GPHN: variants seen among roughly 807,000 people sequenced by gnomAD.
The protein encoded by GPHN is gephyrin.
In GPHN, 17 loss-of-function variants were observed where a neutral mutation model predicts 95.5. The ratio of observed to expected loss-of-function variants is 0.18; its 90% CI spans 0.12 to 0.27. The LOEUF (loss-of-function observed/expected upper bound fraction) is 0.27, where lower values mean the gene tolerates loss of function less well. Ranked by LOEUF, GPHN falls within the 10% of genes least tolerant of loss-of-function variation. The probability of loss-of-function intolerance (pLI) is 1.00; values close to 1 mark genes in which losing one functional copy is unlikely to be tolerated. For synonymous variants in GPHN, 320 were observed against 322.5 expected, an observed-to-expected ratio of 0.99 and a Z score of 0.08; for missense variants, 660 against 978.1, an observed-to-expected ratio of 0.67 and a Z score of 4.34.
intron 1 of GPHN, among the ~76,000 whole-genome samples, chr14:66,554,899 G>A (rs962365937): frequency 6.6e-6 from 1 of 152,110 alleles, no homozygotes; most frequent in South Asian, 2.1e-4. Flanking sequence ...CATTATGAAG[G>A]GCATTTTAAA....
chr14:66,545,687 G>A (rs2059551578), intron 1 of GPHN, among the ~76,000 whole-genome samples: 1 of 136,514 alleles, frequency 7.3e-6, no homozygotes, highest in South Asian at 2.4e-4. Context: ...GGGCGGCCGG[G>A]CAGAGGCGCC....
At chr14:67,175,438 T>C (rs567640419) in intron 21 of GPHN, among the ~76,000 whole-genome samples, 4 of 152,196 alleles carry the variant, frequency 2.6e-5, no homozygotes, top group Admixed American at 6.5e-5. Context: ...TTGGTCTATA[T>C]ATCTGTTTTG....
chr14:66,659,788 C>T (rs2065531460), intron 1 of GPHN, among the ~76,000 whole-genome samples: 1 of 151,920 alleles, frequency 6.6e-6, no homozygotes, highest in Admixed American at 6.6e-5. Flanking sequence ...TTTTTATAGT[C>T]AACATTCTTG....
chr14:66,959,698 G>A (rs1241133434), intron 8 of GPHN, among the ~76,000 whole-genome samples: 2 of 151,996 alleles, frequency 1.3e-5, no homozygotes, highest in Non-Finnish European at 2.9e-5. Flanking sequence ...TGATTATAAT[G>A]TATCTTCGTG....
At chr14:67,415,958 C>A in the GPHN span, among the ~76,000 whole-genome samples, 1 of 152,150 alleles carries the variant, frequency 6.6e-6, no homozygotes, top group African/African-American at 2.4e-5. Flanking sequence ...AGGGGAATAA[C>A]ACACACTGGG....
the GPHN span, among the ~76,000 whole-genome samples, chr14:67,198,714 G>T: frequency 6.6e-6 from 1 of 152,164 alleles, no homozygotes; most frequent in Non-Finnish European, 1.5e-5. Flanking sequence ...TAGTTCTGAA[G>T]GTAAATTGTC....
At chr14:67,309,136 ATAT>A in the GPHN span, among the ~76,000 whole-genome samples, 1 of 152,298 alleles carries the variant, frequency 6.6e-6, no homozygotes, top group East Asian at 1.9e-4. Flanking sequence ...TACTGTTCTG[ATAT>A]TATTATAGCA....
At chr14:67,365,516 A>C in the GPHN span, among the ~76,000 whole-genome samples, 1 of 152,242 alleles carries the variant, frequency 6.6e-6, no homozygotes, top group African/African-American at 2.4e-5. Flanking sequence ...GCTGGTAATT[A>C]GAATGTTTGC....
intron 2 of GPHN, among the ~76,000 whole-genome samples, chr14:66,706,414 A>G (rs566141720): frequency 6.6e-6 from 1 of 152,310 alleles, no homozygotes; most frequent in South Asian, 2.1e-4. Context: ...TTCAAACTAT[A>G]CTACAAGGCT....
At chr14:66,763,084 C>G (rs1313793999) in intron 2 of GPHN, among the ~76,000 whole-genome samples, 1 of 152,116 alleles carries the variant, frequency 6.6e-6, no homozygotes, top group Non-Finnish European at 1.5e-5. Context: ...TATATACTGT[C>G]AGCCGTCCAC....
At chr14:67,160,584 T>C (rs1305638446) in intron 19 of GPHN, among the ~76,000 whole-genome samples, 1 of 152,166 alleles carries the variant, frequency 6.6e-6, no homozygotes, top group East Asian at 1.9e-4. Flanking sequence ...TTTAGACCTT[T>C]GCTACTCTAT....
chr14:66,825,991 AT>A (rs993534494), intron 4 of GPHN, among the ~76,000 whole-genome samples: 7 of 152,060 alleles, frequency 4.6e-5, no homozygotes, highest in African/African-American at 1.7e-4. Flanking sequence ...TAAGATATGG[AT>A]TTTTGGAGTT....
chr14:66,639,197 T>TA (rs1192609253), intron 1 of GPHN, among the ~76,000 whole-genome samples: 1 of 151,502 alleles, frequency 6.6e-6, no homozygotes, highest in African/African-American at 2.4e-5. Context: ...AATTGGTAAT[T>TA]ATAAGTGGTG....
the GPHN span, among the ~76,000 whole-genome samples, chr14:67,644,933 C>T: frequency 2.0e-5 from 3 of 149,606 alleles, no homozygotes; most frequent in Non-Finnish European, 3.0e-5. Flanking sequence ...AGGAGGCGGA[C>T]GTTGTAGTGA....
At chr14:67,491,088 T>C in the GPHN span, among the ~76,000 whole-genome samples, 1 of 152,208 alleles carries the variant, frequency 6.6e-6, no homozygotes, top group Admixed American at 6.5e-5. Context: ...CCTATACTTC[T>C]GAACAATTGG....
intron 5 of GPHN, among the ~76,000 whole-genome samples, chr14:66,896,869 A>G (rs953786403): frequency 2.0e-5 from 3 of 152,120 alleles, no homozygotes; most frequent in Non-Finnish European, 4.4e-5. Context: ...AAAAAGTTAT[A>G]ATACGAATTC....
At position 66,684,295 on chromosome 14, in the gene GPHN, A is replaced by T. The variant is rs1167351577; in HGVS notation, c.143+3110A>T. On this transcript the variant is annotated intron_variant, in intron 2 of 22. Coordinates refer to ENST00000478722, the MANE Select transcript of GPHN (RefSeq NM_020806.5). ...ATTAGGCTAAGGAAAACCCAGGCTT[A>T]TCTAGTCAATATTGATACTCAGAGT... Among the ~76,000 whole-genome samples the T allele has an allele frequency of 2.0e-5, 3 of 152,350 alleles. No homozygotes were observed. In the East Asian group the frequency reaches 5.8e-4, roughly 29 times the overall value.
intron 1 of GPHN, among the ~76,000 whole-genome samples, chr14:66,667,760 A>G (rs2066053518): frequency 6.6e-6 from 1 of 152,236 alleles, no homozygotes; most frequent in Non-Finnish European, 1.5e-5. Context: ...TTTCATGACA[A>G]AAGTGTCGAA....
intron 1 of GPHN, among the ~76,000 whole-genome samples, chr14:66,547,428 T>C (rs2059643313): frequency 6.6e-6 from 1 of 152,230 alleles, no homozygotes; most frequent in Admixed American, 6.5e-5. Context: ...TAGTTCAGAA[T>C]GCTGAGCAAA....
Sources: gnomAD v4.1 joint callset for allele counts (sites outside exome capture counted in the v4.1 genomes callset) on GRCh38, gnomAD v4.1.1 for gene constraint, MANE v1.5 for transcripts, NCBI Gene and HGNC (gene_info 2026-07-23, HGNC 2026-07-21) for gene names.